LENG8: variants seen among roughly 807,000 people sequenced by gnomAD.
The protein encoded by LENG8 is leukocyte receptor cluster (LRC) member 8.
In LENG8, 28 loss-of-function variants were observed where a neutral mutation model predicts 102.1. That is an observed-to-expected ratio of 0.27 (90% CI 0.20 to 0.38). The LOEUF (loss-of-function observed/expected upper bound fraction) is 0.38, where lower values mean the gene tolerates loss of function less well. Ranked by LOEUF, LENG8 falls within the 10% of genes least tolerant of loss-of-function variation. The pLI, the probability that LENG8 is intolerant of heterozygous loss-of-function variation, is 1.00. For synonymous variants in LENG8, 531 were observed against 456.7 expected (o/e 1.16, Z -2.07); for missense variants, 1,022 against 1,113.9 (o/e 0.92, Z 1.17).
At chr19:54,458,910 C>A in intron 15 of LENG8, 1 of 1,538,176 alleles carries the variant, frequency 6.5e-7, no homozygotes, top group Admixed American at 2.0e-5. Flanking sequence ...ACCATAGAGA[C>A]CATCTAGACA....
At chr19:54,452,805 G>C in intron 4 of LENG8, 53 bp downstream of exon 4, 5 of 1,333,804 alleles carry the variant, frequency 3.7e-6, no homozygotes, top group Non-Finnish European at 5.4e-6. Flanking sequence ...CTGCTGGGTC[G>C]GGGCGAGGTG....
rs1360651620 is a variant in LENG8, at chr19:54,456,350, T to C, written c.1330T>C (p.Ser444Pro). 2 of 1,613,678 alleles carry C rather than the reference T, an allele frequency of 1.2e-6. No individual in the cohort carries two copies. Among genetic ancestry groups the C allele is most frequent in the Non-Finnish European group, 1.7e-6 (2 of 1,179,970 alleles). ...TGACTCCCACTCAGACTCCGACAGCTCCTACTCAGGGAATGAGTGTCACCC... is the reference window on the plus strand; with the variant it reads ...TGACTCCCACTCAGACTCCGACAGCCCCTACTCAGGGAATGAGTGTCACCC... The part of the protein sequence containing the change: ...RSDSHSDSDS[S>P]YSGNECHPVG... The change falls in exon 10 of 16, where the codon TCC (serine) becomes CCC (proline). Residue 444 changes from serine (S) to proline (P), a missense_variant. Coordinates refer to ENST00000326764, the MANE Select transcript of LENG8 (RefSeq NM_052925.4).
chr19:54,452,392 T>C (rs1215859898), intron 3 of LENG8, 125 bp downstream of exon 3: 9 of 893,804 alleles, frequency 1.0e-5, no homozygotes, highest in Admixed American at 5.7e-5. Flanking sequence ...CGTTCCAGGG[T>C]ATCTAAATCT....
In LENG8 at chr19:54,454,411, C is replaced by T. The variant is rs774151212; in HGVS notation, c.427-19C>T. 19 of 1,584,270 alleles carry T rather than the reference C, an allele frequency of 1.2e-5. No homozygotes were observed. Among genetic ancestry groups the T allele is most frequent in the Middle Eastern group, 2.1e-4 (1 of 4,740 alleles). ...CCCAGAATCTGCCTCCCGTGCTCAG[C>T]GCCTGCTTCCTTCTGCAGCCCCCAG... On this transcript the variant is annotated intron_variant, in intron 5 of 15. Transcript: ENST00000326764.
At chr19:54,453,914 CG>C (rs1458372308) in intron 5 of LENG8, among the ~76,000 whole-genome samples, 2 of 152,154 alleles carry the variant, frequency 1.3e-5, no homozygotes, top group Non-Finnish European at 2.9e-5. Flanking sequence ...GTGCACACAC[CG>C]GCTGGGTTTT....
chr19:54,454,009 C>T (rs1042185195), intron 5 of LENG8, among the ~76,000 whole-genome samples: 1 of 152,118 alleles, frequency 6.6e-6, no homozygotes, highest in Admixed American at 6.5e-5. Flanking sequence ...GCTGTCCCAC[C>T]CCTGGTGTAA....
At position 54,460,301 on chromosome 19, in the gene LENG8, G is replaced by A. The variant is rs113155515; in HGVS notation, c.2241-465G>A. ...TAGTGTGTTTTAGCAGCAGCCGGAAGTGACTGCTTTCAGTGTGTAGTGGTG... is the reference window on the plus strand; with the variant it reads ...TAGTGTGTTTTAGCAGCAGCCGGAAATGACTGCTTTCAGTGTGTAGTGGTG... On this transcript the variant is annotated intron_variant, in intron 15 of 15. Coordinates refer to ENST00000326764, the MANE Select transcript of LENG8 (RefSeq NM_052925.4). The A allele has an allele frequency of 3.9e-4, 492 of 1,250,678 alleles. 2 individuals are homozygous for A. In the African/African-American group the frequency reaches 6.9e-3, roughly 18 times the overall value. The allele number at this position is 1,250,678 out of a possible 1,614,324, so 77.5% of individuals were successfully genotyped here.
At chr19:54,452,557 T>C in intron 3 of LENG8, 94 bp from the exon 4 acceptor site, 1 of 1,018,060 alleles carries the variant, frequency 9.8e-7, no homozygotes, top group Non-Finnish European at 1.6e-6. Context: ...TTTCATCCCT[T>C]GGCAATTGGC....
At chr19:54,451,087 C>T (rs1373510495) in intron 1 of LENG8, among the ~76,000 whole-genome samples, 4 of 152,152 alleles carry the variant, frequency 2.6e-5, no homozygotes, top group Non-Finnish European at 4.4e-5. Flanking sequence ...ACCTGGAGCT[C>T]TACAAAGGGG....
intron 1 of LENG8, 116 bp from the exon 2 acceptor site, chr19:54,451,174 A>G: frequency 1.5e-6 from 1 of 688,462 alleles, no homozygotes; most frequent in Non-Finnish European, 2.6e-6. Flanking sequence ...GTGGCTTTTC[A>G]GTCAGCCTCC....
In LENG8 at chr19:54,455,876, G is replaced by A. The variant is rs183913872; in HGVS notation, c.1026-91G>A. 1.5e-5 allele frequency: 21 copies of A among 1,392,382 alleles called. No homozygotes were observed. The East Asian group carries it at 3.4e-4, about 23-fold the overall frequency. The allele number at this position is 1,392,382 out of a possible 1,614,324, so 86.3% of individuals were successfully genotyped here. On this transcript the variant is annotated intron_variant, in intron 8 of 15. Transcript: ENST00000326764. Reference sequence around the variant, plus strand: ...GCCTGGGGTAAGTGCCTTTCCTTTCGGAGGCGGGTCGGTACCTTGAGGGAG... The same window carrying A: ...GCCTGGGGTAAGTGCCTTTCCTTTCAGAGGCGGGTCGGTACCTTGAGGGAG...
intron 6 of LENG8, 109 bp downstream of exon 6, chr19:54,454,791 C>T: frequency 7.0e-7 from 1 of 1,438,072 alleles, no homozygotes; most frequent in Non-Finnish European, 9.3e-7. Context: ...GTTGTGATCG[C>T]CAGGCTGGGG....
At position 54,456,329 on chromosome 19, in the gene LENG8, T is replaced by C; in HGVS notation, c.1309T>C (p.Ser437Pro). Residue 437 changes from serine (S) to proline (P), a missense_variant, in exon 10 of 16, where the codon TCC becomes CCC. By Grantham distance (74) the Ser-to-Pro change is moderately conservative. Around this residue, in one of 7 missense-constraint regions of LENG8, gnomAD observed 326 missense variants for 324.5 expected, o/e 1.00. Coordinates refer to ENST00000326764, the MANE Select transcript of LENG8 (RefSeq NM_052925.4). ...SPTRHFRRSD[S>P]HSDSDSSYSG... is the part of the protein sequence containing the mutation. ...CCCTCCTGCTTCTTCCTGCAGTGAC[T>C]CCCACTCAGACTCCGACAGCTCCTA... 6.2e-7 allele frequency: 1 copy of C among 1,613,928 alleles called. No homozygotes were observed. The highest frequency in any genetic ancestry group is 8.5e-7 in the Non-Finnish European group (1 of 1,179,978).
In LENG8 at chr19:54,456,071, G is replaced by T. The variant is rs1309427449; in HGVS notation, c.1130G>T (p.Gly377Val). Residue 377 changes from glycine to valine, a missense_variant, in exon 9 of 16, where the codon GGT (glycine) becomes GTT (valine). Physicochemically the swap from Gly to Val is moderately radical, Grantham distance 109. Transcript: ENST00000326764. ...RGAGSATRGG[G>V]APSQRGTPGA... is the part of the protein sequence containing the mutation. ...GCAGGCTCGGCGACAAGGGGCGGGG[G>T]TGCCCCGTCCCAGCGAGGGACGCCC... 17 of 1,609,470 alleles carry T rather than the reference G, an allele frequency of 1.1e-5. No homozygotes were observed. The highest frequency in any genetic ancestry group is 1.7e-4 in the Middle Eastern group (1 of 6,038).
At chr19:54,460,719 G>GGGGCCA in intron 15 of LENG8, 47 bp from the exon 16 acceptor site, 2 of 778,920 alleles carry the variant, frequency 2.6e-6, no homozygotes, top group Non-Finnish European at 3.6e-6. Flanking sequence ...GCCCTCCCCT[G>GGGGCCA]CCCTCCCGCC....
Position 54,460,873 on chromosome 19 carries a change from C to G in LENG8, c.2348C>G (p.Pro783Arg). The G allele has an allele frequency of 6.4e-7, 1 of 1,561,268 alleles. No individual in the cohort carries two copies. Among genetic ancestry groups the G allele is most frequent in the South Asian group, 1.2e-5 (1 of 84,830 alleles). The change falls in exon 16 of 16, where the codon CCG (proline) becomes CGG (arginine). Residue 783 changes from proline (P) to arginine (R), a missense_variant. Physicochemically the swap from Pro to Arg is moderately radical, Grantham distance 103 (BLOSUM62 -2). This residue lies in a region of LENG8 where 129 missense variants were observed against 123.0 expected (regional missense o/e 1.05). Transcript: ENST00000326764. ...LEPLGLAYTG[P>R]DNSSIDCRLS... ...CCCCTGGGCCTGGCCTACACGGGCC[C>G]GGACAACTCCAGCATCGACTGCCGC...
Position 54,461,102 on chromosome 19 carries a change from C to G in LENG8, c.*174C>G, listed in dbSNP as rs1375243035. ...CCGGGGAGTCTGTACAGAGATTTTT[C>G]TACGTTTTTATTTTTTGCCTCAGAG... On this transcript the variant is annotated 3_prime_UTR_variant, in exon 16 of 16. Coordinates refer to ENST00000326764, the MANE Select transcript of LENG8 (RefSeq NM_052925.4). The G allele has an allele frequency of 1.8e-5, 18 of 1,018,732 alleles. No homozygotes were observed. The highest frequency in any genetic ancestry group is 2.3e-5 in the Non-Finnish European group (16 of 685,654). The allele number at this position is 1,018,732 out of a possible 1,614,324, so 63.1% of individuals were successfully genotyped here.
chr19:54,456,403 G>T lies in LENG8; in HGVS notation c.1383G>T (p.Lys461Asn). Residue 461 changes from lysine to asparagine, a missense_variant, in exon 10 of 16, where the codon AAG (lysine) becomes AAT (asparagine). Physicochemically the swap from Lys to Asn is moderately conservative, Grantham distance 94. Around this residue, in one of 7 missense-constraint regions of LENG8, gnomAD observed 326 missense variants for 324.5 expected, o/e 1.00. Coordinates refer to ENST00000326764, the MANE Select transcript of LENG8 (RefSeq NM_052925.4). ...TGGGCCGCAGGAACCCGCCCCCTAA[G>T]GGCCGGGGCGGTCGAGGGGCCCATA... ...HPVGRRNPPP[K>N]GRGGRGAHMD... 6.2e-7 allele frequency: 1 copy of T among 1,611,358 alleles called. No homozygotes were observed.
At chr19:54,452,356 G>A (rs1224041436) in intron 3 of LENG8, 89 bp downstream of exon 3, 5 of 1,187,568 alleles carry the variant, frequency 4.2e-6, no homozygotes, top group South Asian at 1.5e-5. Flanking sequence ...TTCAGACGGG[G>A]TGCTCTGAGG....
Sources: gnomAD v4.1 joint callset for allele counts (sites outside exome capture counted in the v4.1 genomes callset) on GRCh38, gnomAD v4.1.1 for gene constraint, gnomAD v4.1.1 regional missense constraint, MANE v1.5 for transcripts, NCBI Gene and HGNC (gene_info 2026-07-23, HGNC 2026-07-21) for gene names.